GALNT9: variants seen among roughly 807,000 people sequenced by gnomAD.
GALNT9 encodes the protein polypeptide N-acetylgalactosaminyltransferase 9.
Under a neutral mutation model 63.1 loss-of-function variants are expected in GALNT9, and 47 were observed. That is an observed-to-expected ratio of 0.75 (90% CI 0.59 to 0.95). The LOEUF (loss-of-function observed/expected upper bound fraction) is 0.95, where lower values mean the gene tolerates loss of function less well. Among genes scored for constraint, GALNT9 ranks in the 40% least tolerant of loss-of-function variants. GALNT9 has a pLI of 0.00. For synonymous variants in GALNT9, 396 were observed against 365.7 expected, an observed-to-expected ratio of 1.08 and a Z score of -0.94; for missense variants, 829 against 874.8, an observed-to-expected ratio of 0.95 and a Z score of 0.66.
At chr12:132,199,389 C>G (rs978847293) in intron 8 of GALNT9, 120 bp from the exon 9 acceptor site, 2 of 695,954 alleles carry the variant, frequency 2.9e-6, no homozygotes, top group South Asian at 1.8e-5. Flanking sequence ...GAGGAGGGGG[C>G]GTGTGGGATG....
intron 5 of GALNT9, among the ~76,000 whole-genome samples, chr12:132,256,926 C>T (rs908693754): frequency 3.3e-5 from 5 of 152,236 alleles, no homozygotes; most frequent in Non-Finnish European, 7.3e-5. Flanking sequence ...CATGAGCTTG[C>T]TGGCGCAGGC....
At chr12:132,304,275 G>T (rs368566773) in intron 1 of GALNT9, among the ~76,000 whole-genome samples, 2 of 28,686 alleles carry the variant, frequency 7.0e-5, no homozygotes, top group Non-Finnish European at 1.2e-4. Context: ...GCACACCCTC[G>T]CCCGGGCACA....
chr12:132,254,653 G>T (rs1879046858), intron 5 of GALNT9, among the ~76,000 whole-genome samples: 1 of 152,228 alleles, frequency 6.6e-6, no homozygotes, highest in Non-Finnish European at 1.5e-5. Context: ...CTTACACGAA[G>T]GTCAGGCAGG....
chr12:132,212,066 G>C (rs1876976608), intron 6 of GALNT9, among the ~76,000 whole-genome samples: 1 of 152,260 alleles, frequency 6.6e-6, no homozygotes. Context: ...GCCAGGCATT[G>C]AGAGAAAAGA....
intron 6 of GALNT9, among the ~76,000 whole-genome samples, chr12:132,244,976 G>A (rs1198274556): frequency 6.6e-6 from 1 of 151,588 alleles, no homozygotes; most frequent in Non-Finnish European, 1.5e-5. Flanking sequence ...GGACGGGAGA[G>A]AGGTCAGGGG....
In GALNT9 at chr12:132,262,728, G is replaced by A. The variant is rs535138521; in HGVS notation, c.420-103C>T. On this transcript the variant is annotated intron_variant, in intron 2 of 10. Transcript: ENST00000328957. The stretch of plus-strand genomic sequence containing the variant: ...CTGCAGGAGACACGGTTTGGGGTGC[G>A]GTCAGGGCGCAGCATGAGGGACCCC... 2.7e-4 allele frequency: 391 copies of A among 1,451,108 alleles called. 3 individuals carry two copies. The African/African-American group carries it at 4.2e-3, about 16-fold the overall frequency. 89.9% of individuals were successfully genotyped at this position (1,451,108 alleles called of 1,614,324 possible).
At chr12:132,309,517 C>T (rs1308231291) in intron 1 of GALNT9, among the ~76,000 whole-genome samples, 8 of 152,240 alleles carry the variant, frequency 5.3e-5, no homozygotes, top group African/African-American at 1.9e-4. Flanking sequence ...CTCGGGGCAG[C>T]GGGGTGTAAA....
intron 1 of GALNT9, among the ~76,000 whole-genome samples, chr12:132,326,794 G>A (rs1259759781): frequency 6.6e-6 from 1 of 152,220 alleles, no homozygotes; most frequent in Admixed American, 6.5e-5. Flanking sequence ...CTAAGAGCTG[G>A]CCGCCTCCTC....
In GALNT9 at chr12:132,222,911, CAT is replaced by C. The variant is rs1877512487; in HGVS notation, c.1078-19223_1078-19222del. 8.1e-3 allele frequency among the ~76,000 whole-genome samples: 980 copies of C among 120,332 alleles called. 63 individuals carry two copies. The highest frequency in any genetic ancestry group is 0.029 in the African/African-American group (913 of 31,064). 78.9% of individuals were successfully genotyped at this position (120,332 alleles called of 152,430 possible). A position where few individuals can be genotyped will look rare whatever the true frequency, so the allele number is the denominator to read the frequency against. On this transcript the variant is annotated intron_variant, in intron 6 of 10. Coordinates refer to ENST00000328957, the MANE Select transcript of GALNT9 (RefSeq NM_001122636.2). Reference sequence around the variant, plus strand: ...CACACAACCCGCACCCCACACCCCACATACATCCCACACAACCCACACCCCAC... The same window carrying C: ...CACACAACCCGCACCCCACACCCCACACATCCCACACAACCCACACCCCAC...
At chr12:132,208,889 C>T (rs1298409423) in intron 6 of GALNT9, among the ~76,000 whole-genome samples, 1 of 152,216 alleles carries the variant, frequency 6.6e-6, no homozygotes, top group Non-Finnish European at 1.5e-5. Flanking sequence ...GCACATAGTA[C>T]CAGTTAATGC....
At position 132,315,815 on chromosome 12, in the gene GALNT9, C is replaced by T. The variant is rs1274247702; in HGVS notation, c.238+13151G>A. ...CACTCATACTCCCCACCGCGTCACA[C>T]AGGGTGTGAGTGACACGGCCTCAGG... is the stretch of plus-strand genomic sequence containing the variant. On this transcript the variant is annotated intron_variant, in intron 1 of 10. Transcript: ENST00000328957. This position sits in a 1 kb window ranked among gnomAD's most constrained non-coding sequence, Gnocchi z 6.1. Among the ~76,000 whole-genome samples, 2 of 152,222 alleles carry T rather than the reference C, an allele frequency of 1.3e-5. No individual in the cohort carries two copies. The highest frequency in any genetic ancestry group is 4.8e-5 in the African/African-American group (2 of 41,446).
chr12:132,329,141 G>C lies in GALNT9; in HGVS notation c.63C>G (p.Ile21Met). Residue 21 changes from isoleucine to methionine, a missense_variant, in exon 1 of 11, where the codon ATC becomes ATG. Transcript: ENST00000328957. ...GGCGGCAGTACACGGAGAACAGGAC[G>C]ATGCCCACGAACACCAGGATGTTCA... The part of the protein sequence containing the change: ...LTVNILVFVG[I>M]VLFSVYCRLQ... 2 of 1,549,440 alleles carry C rather than the reference G, an allele frequency of 1.3e-6. No homozygotes were observed. The highest frequency in any genetic ancestry group is 8.7e-7 in the Non-Finnish European group (1 of 1,146,446).
At chr12:132,276,941 G>GAC (rs201851362) in intron 2 of GALNT9, among the ~76,000 whole-genome samples, 126 of 151,800 alleles carry the variant, frequency 8.3e-4, no homozygotes, top group African/African-American at 2.8e-3. Context: ...CACATCTGTG[G>GAC]ACACACACAC....
At chr12:132,210,823 G>A (rs934072823) in intron 6 of GALNT9, among the ~76,000 whole-genome samples, 7 of 139,148 alleles carry the variant, frequency 5.0e-5, no homozygotes, top group East Asian at 2.1e-4. Context: ...GGTGGTCGCC[G>A]TCTGGAGGTC....
At chr12:132,202,732 G>A (rs550033991) in intron 7 of GALNT9, among the ~76,000 whole-genome samples, 6 of 152,122 alleles carry the variant, frequency 3.9e-5, no homozygotes, top group Non-Finnish European at 7.4e-5. Context: ...GCAGTGGCCA[G>A]GGAAGGAAGG....
Position 132,204,850 on chromosome 12 carries a change from C to T in GALNT9, c.1078-1160G>A, listed in dbSNP as rs779072081. Among the ~76,000 whole-genome samples the T allele has an allele frequency of 1.6e-3, 240 of 152,234 alleles. 1 individual carries two copies. Among genetic ancestry groups the T allele is most frequent in the South Asian group, 2.1e-4 (1 of 4,822 alleles). On this transcript the variant is annotated intron_variant, in intron 6 of 10. Coordinates refer to ENST00000328957, the MANE Select transcript of GALNT9 (RefSeq NM_001122636.2). ...GGTCTGATCCACGTGGCCCAAGCTC[C>T]GCCGTGCTCAGGTCCTCAGCCCTGA...
intron 2 of GALNT9, among the ~76,000 whole-genome samples, chr12:132,281,329 G>T (rs528042521): frequency 2.0e-5 from 3 of 152,218 alleles, no homozygotes; most frequent in Non-Finnish European, 4.4e-5. Flanking sequence ...TGTGGGCAGG[G>T]CTCGTGAGGG....
At position 132,196,395 on chromosome 12, in the gene GALNT9, G is replaced by A. The variant is rs779697988; in HGVS notation, c.*712C>T. 47 of 974,274 alleles carry A rather than the reference G, an allele frequency of 4.8e-5. No homozygotes were observed. Among genetic ancestry groups the A allele is most frequent in the Non-Finnish European group, 5.5e-5 (45 of 819,938 alleles). The allele number at this position is 974,274 out of a possible 1,614,324, so 60.4% of individuals were successfully genotyped here. ...GGTGTGGCTGGGCGCCAATAAAACT[G>A]TATTTATTAAAACAGGCAAGGGGCT... On this transcript the variant is annotated 3_prime_UTR_variant, in exon 11 of 11. Transcript: ENST00000328957.
intron 6 of GALNT9, among the ~76,000 whole-genome samples, chr12:132,204,226 C>T (rs1358846674): frequency 3.3e-5 from 5 of 152,336 alleles, no homozygotes; most frequent in African/African-American, 7.2e-5. Context: ...GCAGCAGAAA[C>T]GTGTTTGTCA....
Sources: allele counts gnomAD v4.1 joint callset (sites outside exome capture counted in the v4.1 genomes callset), GRCh38; gene constraint gnomAD v4.1.1; non-coding constraint Gnocchi (gnomAD v3.1); transcripts MANE v1.5; gene names NCBI Gene and HGNC (gene_info 2026-07-23, HGNC 2026-07-21).